FOXN3: variants seen among roughly 807,000 people sequenced by gnomAD.
The protein encoded by FOXN3 is forkhead box N3, also known as forkhead box protein N3.
Under a neutral mutation model 38.4 loss-of-function variants are expected in FOXN3, and 7 were observed. The observed-to-expected ratio is 0.18, with a 90% confidence interval of 0.10 to 0.34. FOXN3 has a LOEUF of 0.34. FOXN3 is among the 10% of genes least tolerant of loss of function. FOXN3 has a pLI of 1.00. For missense variants in FOXN3, 456 were observed against 613.4 expected (o/e 0.74, Z 2.71); for synonymous variants, 230 against 242.2 (o/e 0.95, Z 0.47).
At chr14:89,311,059 T>G (rs1413492453) in intron 3 of FOXN3, among the ~76,000 whole-genome samples, 1 of 144,056 alleles carries the variant, frequency 6.9e-6, no homozygotes. Flanking sequence ...TGAGCCAAGA[T>G]CGCGCCATTG....
rs1203636293 is a variant in FOXN3, at chr14:89,162,005, C to T, written c.*409G>A. On this transcript the variant is annotated 3_prime_UTR_variant, in exon 6 of 6. Transcript: ENST00000557258. The surrounding 1 kb of genome is among the most constrained non-coding windows in gnomAD (Gnocchi z 7.2). ...TTTAAACCTAAGGGTTGGGCCTGAACGATGATTACTTTGCCCACGTGCCTT... is the reference window on the plus strand; with the variant it reads ...TTTAAACCTAAGGGTTGGGCCTGAATGATGATTACTTTGCCCACGTGCCTT... 7 of 160,008 alleles carry T rather than the reference C, an allele frequency of 4.4e-5. No homozygotes were observed. Among genetic ancestry groups the T allele is most frequent in the African/African-American group, 1.7e-4 (7 of 41,520 alleles). The allele number at this position is 160,008 out of a possible 1,614,324, so 9.9% of individuals were successfully genotyped here. A position where few individuals can be genotyped will look rare whatever the true frequency, so the allele number is the denominator to read the frequency against.
At chr14:89,308,544 G>A (rs1412001246) in intron 3 of FOXN3, among the ~76,000 whole-genome samples, 2 of 152,136 alleles carry the variant, frequency 1.3e-5, no homozygotes, top group African/African-American at 4.8e-5. Flanking sequence ...CGGGTCTTTG[G>A]GAGCTCCTGG....
intron 1 of FOXN3, among the ~76,000 whole-genome samples, chr14:89,448,491 G>A (rs868474138): frequency 2.0e-5 from 3 of 152,054 alleles, no homozygotes; most frequent in Non-Finnish European, 1.5e-5. Context: ...GGATACAAAC[G>A]TGATCACCAG....
chr14:89,258,545 G>A (rs1885696627), intron 4 of FOXN3, among the ~76,000 whole-genome samples: 1 of 152,216 alleles, frequency 6.6e-6, no homozygotes, highest in African/African-American at 2.4e-5. Flanking sequence ...AGTAGTCATT[G>A]TGATACCACC....
chr14:89,339,332 C>T (rs1475345283), intron 3 of FOXN3, among the ~76,000 whole-genome samples: 2 of 152,160 alleles, frequency 1.3e-5, no homozygotes, highest in Non-Finnish European at 2.9e-5. Context: ...GGACCAGAGG[C>T]TTCAGGTAAC....
chr14:89,323,902 C>T (rs1033870005), intron 3 of FOXN3, among the ~76,000 whole-genome samples: 22 of 152,098 alleles, frequency 1.4e-4, no homozygotes, highest in Admixed American at 6.5e-5. Flanking sequence ...TTGGCTCTGT[C>T]ATTTACTAGC....
intron 4 of FOXN3, among the ~76,000 whole-genome samples, chr14:89,241,081 A>G (rs1596125391): frequency 6.6e-6 from 1 of 151,714 alleles, no homozygotes; most frequent in Non-Finnish European, 1.5e-5. Context: ...AATTAGCGCT[A>G]CCCCCCATAT....
At position 89,300,357 on chromosome 14, in the gene FOXN3, A is replaced by G. The variant is rs147676695; in HGVS notation, c.681-19343T>C. Among the ~76,000 whole-genome samples, 3 of 151,986 alleles carry G rather than the reference A, an allele frequency of 2.0e-5. No individual in the cohort carries two copies. In the East Asian group the frequency reaches 5.8e-4, roughly 30 times the overall value. ...GCCATCATGCCCAGATAATTTTTCT[A>G]TTTGTATAGAGACAGGGTTTCACTA... is the stretch of plus-strand genomic sequence containing the variant. On this transcript the variant is annotated intron_variant, in intron 3 of 5. Coordinates refer to ENST00000557258, the MANE Select transcript of FOXN3 (RefSeq NM_005197.4).
intron 1 of FOXN3, among the ~76,000 whole-genome samples, chr14:89,530,771 G>A (rs949325440): frequency 6.0e-5 from 9 of 150,894 alleles, no homozygotes; most frequent in African/African-American, 1.5e-4. Context: ...CACCACGCCC[G>A]GCTAATTTTT....
intron 4 of FOXN3, among the ~76,000 whole-genome samples, chr14:89,276,537 G>A (rs1596147789): frequency 6.6e-6 from 1 of 152,170 alleles, no homozygotes; most frequent in African/African-American, 2.4e-5. Flanking sequence ...AGAGTGGGTG[G>A]GCCAAGCAGC....
At chr14:89,223,792 T>C (rs560080905) in intron 4 of FOXN3, among the ~76,000 whole-genome samples, 3 of 152,176 alleles carry the variant, frequency 2.0e-5, no homozygotes, top group Non-Finnish European at 2.9e-5. Flanking sequence ...GGACAATTTG[T>C]GTGAGCATCT....
At chr14:89,577,833 C>T (rs1415740741) in intron 1 of FOXN3, among the ~76,000 whole-genome samples, 1 of 152,178 alleles carries the variant, frequency 6.6e-6, no homozygotes, top group Non-Finnish European at 1.5e-5. Flanking sequence ...TTCACACGTG[C>T]AATCACAACG....
At chr14:89,346,663 G>T (rs1412105295) in intron 3 of FOXN3, among the ~76,000 whole-genome samples, 1 of 152,136 alleles carries the variant, frequency 6.6e-6, no homozygotes, top group East Asian at 1.9e-4. Context: ...CACCAGGTTT[G>T]TCCACTCCAA....
chr14:89,337,705 C>T lies in FOXN3; in HGVS notation c.680+12967G>A, dbSNP rs959826439. Among the ~76,000 whole-genome samples the T allele has an allele frequency of 4.0e-5, 6 of 150,928 alleles. No individual in the cohort carries two copies. In the East Asian group the frequency reaches 1.2e-3, roughly 29 times the overall value. Reference sequence around the variant, plus strand: ...AGTGCAGTGGCACAATCTCAGCTCACTGCAACCTCTGCCTCCTAGGTTCAA... The same window carrying T: ...AGTGCAGTGGCACAATCTCAGCTCATTGCAACCTCTGCCTCCTAGGTTCAA... On this transcript the variant is annotated intron_variant, in intron 3 of 5. Coordinates refer to ENST00000557258, the MANE Select transcript of FOXN3 (RefSeq NM_005197.4).
intron 2 of FOXN3, among the ~76,000 whole-genome samples, chr14:89,402,275 GCTTTA>G (rs935033583): frequency 1.3e-5 from 2 of 152,210 alleles, no homozygotes; most frequent in Admixed American, 1.3e-4. Flanking sequence ...CAGCATCTCT[GCTTTA>G]CTTAAGTTAC....
intron 1 of FOXN3, among the ~76,000 whole-genome samples, chr14:89,596,806 A>G (rs1896063914): frequency 6.6e-6 from 1 of 152,190 alleles, no homozygotes; most frequent in Non-Finnish European, 1.5e-5. Context: ...ATATTGCCAT[A>G]AAGTTTTTCA....
At chr14:89,321,672 A>T (rs1021948750) in intron 3 of FOXN3, among the ~76,000 whole-genome samples, 1 of 152,206 alleles carries the variant, frequency 6.6e-6, no homozygotes, top group African/African-American at 2.4e-5. Context: ...CTGGCCAAAG[A>T]CGTTCTTTCA....
At chr14:89,595,647 GTTTT>G (rs1218225508) in intron 1 of FOXN3, among the ~76,000 whole-genome samples, 5 of 152,044 alleles carry the variant, frequency 3.3e-5, no homozygotes, top group African/African-American at 1.2e-4. Flanking sequence ...ATAATTAATA[GTTTT>G]ATTTATTCCT....
chr14:89,386,137 C>G (rs954777598), intron 2 of FOXN3, among the ~76,000 whole-genome samples: 2 of 152,166 alleles, frequency 1.3e-5, no homozygotes, highest in African/African-American at 4.8e-5. Context: ...CACGGGGGAG[C>G]TCGGGAGGGT....
Sources: gnomAD v4.1 joint callset for allele counts (sites outside exome capture counted in the v4.1 genomes callset) on GRCh38, gnomAD v4.1.1 for gene constraint, Gnocchi (gnomAD v3.1) non-coding constraint, MANE v1.5 for transcripts, NCBI Gene and HGNC (gene_info 2026-07-23, HGNC 2026-07-21) for gene names.